FAM13B: variants seen among roughly 807,000 people sequenced by gnomAD.
FAM13B encodes the protein family with sequence similarity 13 member B.
Under a neutral mutation model 117.3 loss-of-function variants are expected in FAM13B, and 60 were observed. That is an observed-to-expected ratio of 0.51 (90% confidence interval 0.42 to 0.63). FAM13B has a LOEUF of 0.63. Among genes scored for constraint, FAM13B ranks in the 30% least tolerant of loss-of-function variants. FAM13B has a pLI of 0.00. For missense variants in FAM13B, 972 were observed against 1,091.9 expected (o/e 0.89, Z 1.55); for synonymous variants, 332 against 356.1 (o/e 0.93, Z 0.76).
chr5:137,992,120 C>T (rs1778748874), intron 7 of FAM13B, among the ~76,000 whole-genome samples: 1 of 151,944 alleles, frequency 6.6e-6, no homozygotes, highest in Non-Finnish European at 1.5e-5. Flanking sequence ...TCATGTTGCC[C>T]AGGCTGGTCT....
chr5:137,948,208 A>T (rs543549369), intron 18 of FAM13B, among the ~76,000 whole-genome samples: 1 of 152,022 alleles, frequency 6.6e-6, no homozygotes, highest in Non-Finnish European at 1.5e-5. Context: ...TTTAATCCTC[A>T]TAACAACCAT....
chr5:138,027,766 T>A (rs1480270924), intron 1 of FAM13B, among the ~76,000 whole-genome samples: 1 of 152,218 alleles, frequency 6.6e-6, no homozygotes, highest in Non-Finnish European at 1.5e-5. Flanking sequence ...AATCCTCACG[T>A]GTGGAGAGAA....
intron 1 of FAM13B, 76 bp downstream of exon 1, chr5:138,032,706 G>T (rs964485198): frequency 2.4e-5 from 24 of 985,048 alleles, no homozygotes; most frequent in Admixed American, 6.1e-5. Context: ...GGCGCTGGGG[G>T]GCAACAGGAG....
chr5:137,938,523 T>C lies in FAM13B; in HGVS notation c.*1702A>G, dbSNP rs190193993. The C allele has an allele frequency of 5.2e-5, 8 of 152,734 alleles. No individual in the cohort carries two copies. The highest frequency in any genetic ancestry group is 1.2e-4 in the Non-Finnish European group (8 of 68,028). The allele number at this position is 152,734 out of a possible 1,614,324, so 9.5% of individuals were successfully genotyped here. ...TGATACATCTTTTGGTATTTTCAAT[T>C]TCACTTTTCTAGGTATACATTATGA... On this transcript the variant is annotated 3_prime_UTR_variant, in exon 24 of 24. Coordinates refer to ENST00000689681, the MANE Select transcript of FAM13B (RefSeq NM_001385994.1).
At chr5:138,002,007 A>T (rs989904586) in intron 7 of FAM13B, among the ~76,000 whole-genome samples, 14 of 152,222 alleles carry the variant, frequency 9.2e-5, no homozygotes, top group African/African-American at 3.1e-4. Context: ...CCATTTAAGA[A>T]TTTTGGCTCC....
chr5:137,996,031 T>G (rs1269236481), intron 7 of FAM13B, among the ~76,000 whole-genome samples: 1 of 152,190 alleles, frequency 6.6e-6, no homozygotes. Context: ...TATGACTCGA[T>G]GAAAGAAAAG....
chr5:137,941,453 C>T (rs1206641620), intron 23 of FAM13B, among the ~76,000 whole-genome samples: 1 of 152,080 alleles, frequency 6.6e-6, no homozygotes. Context: ...CTGTGCATTA[C>T]CTAGTTAGAT....
intron 7 of FAM13B, among the ~76,000 whole-genome samples, chr5:137,989,394 C>T (rs1778046503): frequency 6.6e-6 from 1 of 152,220 alleles, no homozygotes; most frequent in Non-Finnish European, 1.5e-5. Context: ...GTCTGACACA[C>T]ATAACCCCTC....
rs759942646 is a variant in FAM13B, at chr5:137,946,238, T to G, written c.2234A>C (p.His745Pro). ...QKSLLYYESQ[H>P]GRPVTKEERH... ...CAAGAGAGATATTACCGGCCTTCCA[T>G]GTTGACTTTCATAGTAAAGAAGACT... The change falls in exon 19 of 24, where the codon CAT becomes CCT. Residue 745 changes from histidine (H) to proline (P), a missense_variant. By Grantham distance (77) the His-to-Pro change is moderately conservative. Transcript: ENST00000689681. 6.3e-7 allele frequency: 1 copy of G among 1,587,256 alleles called. No homozygotes were observed. Among genetic ancestry groups the G allele is most frequent in the Non-Finnish European group, 8.5e-7 (1 of 1,171,322 alleles).
At chr5:137,948,180 C>CA (rs59680291) in intron 18 of FAM13B, among the ~76,000 whole-genome samples, 6 of 142,746 alleles carry the variant, frequency 4.2e-5, no homozygotes, top group South Asian at 4.5e-4. Flanking sequence ...AATGGCTCTT[C>CA]AAAAAAAAAA....
Position 137,959,829 on chromosome 5 carries a change from T to C in FAM13B, c.1294-66A>G, listed in dbSNP as rs142721864. The stretch of plus-strand genomic sequence containing the variant: ...GCTTTTCACACCCAGCTTAAACACA[T>C]CCAGCACATATCCAAGTGTAGTCTT... On this transcript the variant is annotated intron_variant, in intron 12 of 23. Coordinates refer to ENST00000689681, the MANE Select transcript of FAM13B (RefSeq NM_001385994.1). The C allele has an allele frequency of 7.2e-4, 1,063 of 1,482,012 alleles. 5 individuals carry two copies. In the Middle Eastern group the frequency reaches 0.018, roughly 26 times the overall value. The allele number at this position is 1,482,012 out of a possible 1,614,324, so 91.8% of individuals were successfully genotyped here. A position where few individuals can be genotyped will look rare whatever the true frequency, so the allele number is the denominator to read the frequency against.
chr5:137,966,474 TATATATATATATATAG>T (rs1298392839), intron 10 of FAM13B, among the ~76,000 whole-genome samples: 2 of 69,284 alleles, frequency 2.9e-5, no homozygotes, highest in African/African-American at 1.1e-4. Context: ...TATATATATA[TATATATATATATATAG>T]AGAGAGAGAG....
At chr5:138,047,454 C>T (rs1271666840) in intron 1 of FAM13B, among the ~76,000 whole-genome samples, 6 of 150,954 alleles carry the variant, frequency 4.0e-5, no homozygotes, top group African/African-American at 9.8e-5. Context: ...TGCAGTGAGC[C>T]GAGATCACAC....
At chr5:138,000,937 A>AC (rs1561514191) in intron 7 of FAM13B, among the ~76,000 whole-genome samples, 11 of 81,398 alleles carry the variant, frequency 1.4e-4, no homozygotes, top group Non-Finnish European at 2.6e-4. Context: ...CTCAAAAAAC[A>AC]AAAAACAAAA....
At chr5:137,965,625 ACACT>A (rs1001160435) in intron 10 of FAM13B, among the ~76,000 whole-genome samples, 3 of 152,180 alleles carry the variant, frequency 2.0e-5, no homozygotes, top group Non-Finnish European at 4.4e-5. Flanking sequence ...TGCTGAACAA[ACACT>A]CAATAAATTG....
At chr5:138,032,130 C>A (rs527652201) in intron 1 of FAM13B, among the ~76,000 whole-genome samples, 2 of 152,330 alleles carry the variant, frequency 1.3e-5, no homozygotes, top group South Asian at 2.1e-4. Flanking sequence ...TCCCACTGCG[C>A]AAATGTGCCA....
chr5:137,943,935 A>G (rs755333051), intron 20 of FAM13B, among the ~76,000 whole-genome samples: 2 of 152,178 alleles, frequency 1.3e-5, no homozygotes, highest in Non-Finnish European at 2.9e-5. Flanking sequence ...GGTTTTTAGT[A>G]TATTTACCAA....
In FAM13B at chr5:138,018,194, T is replaced by C. The variant is rs1011138542; in HGVS notation, c.370+108A>G. On this transcript the variant is annotated intron_variant, in intron 4 of 23. Coordinates refer to ENST00000689681, the MANE Select transcript of FAM13B (RefSeq NM_001385994.1). ...AAAAAGCAAATGAGAAAATAACAAATTAATCTCTAAAATACTATACTTACT... is the reference window on the plus strand; with the variant it reads ...AAAAAGCAAATGAGAAAATAACAAACTAATCTCTAAAATACTATACTTACT... 3 of 966,842 alleles carry C rather than the reference T, an allele frequency of 3.1e-6. No individual in the cohort carries two copies. In the African/African-American group the frequency reaches 5.0e-5, roughly 16 times the overall value. The allele number at this position is 966,842 out of a possible 1,614,324, so 59.9% of individuals were successfully genotyped here.
Position 137,940,303 on chromosome 5 carries a change from T to C in FAM13B, c.2736A>G (p.Arg912=), listed in dbSNP as rs761980022. The change falls in exon 24 of 24, where the codon AGA becomes AGG. Residue 912 remains arginine, a synonymous_variant. Coordinates refer to ENST00000689681, the MANE Select transcript of FAM13B (RefSeq NM_001385994.1). ...GCTTGGCTTTAATTTTCTTGTACTC[T>C]CTGTACTCCTCAAGCACTGGAACAC... ...EDRVPVLEEY[R]EYKKIKAKLR... is the part of the protein sequence containing the mutation. 5.6e-6 allele frequency: 9 copies of C among 1,609,476 alleles called. No individual in the cohort carries two copies. The East Asian group carries it at 2.0e-4, about 36-fold the overall frequency.
Sources: gnomAD v4.1 joint callset for allele counts (sites outside exome capture counted in the v4.1 genomes callset) on GRCh38, gnomAD v4.1.1 for gene constraint, MANE v1.5 for transcripts, NCBI Gene and HGNC (gene_info 2026-07-23, HGNC 2026-07-21) for gene names.